Variants in DGKI observed in about 807,000 individuals in gnomAD.
The protein encoded by DGKI is diacylglycerol kinase iota.
DGKI carries 55 observed loss-of-function variants against 147.5 expected under a neutral mutation model. That is an observed-to-expected ratio of 0.37 (90% CI 0.30 to 0.47). DGKI has a LOEUF of 0.47. DGKI is among the 20% of genes least tolerant of loss of function. The pLI, the probability that DGKI is intolerant of heterozygous loss-of-function variation, is 1.00. For missense variants in DGKI, 1,007 were observed against 1,323.8 expected (o/e 0.76, Z 3.71); for synonymous variants, 469 against 477.1 (o/e 0.98, Z 0.22).
At chr7:137,644,013 T>C (rs566271844) in intron 6 of DGKI, among the ~76,000 whole-genome samples, 4 of 152,198 alleles carry the variant, frequency 2.6e-5, no homozygotes, top group East Asian at 3.9e-4. Context: ...CTCACATGCA[T>C]GCACACACAC....
At chr7:137,838,339 C>T (rs4732271) in intron 1 of DGKI, among the ~76,000 whole-genome samples, 5,780 of 152,236 alleles carry the variant, frequency 0.038, 151 homozygotes, top group Non-Finnish European at 0.054. Flanking sequence ...TTGTCTCAAA[C>T]TCTGACACAT....
intron 23 of DGKI, among the ~76,000 whole-genome samples, chr7:137,476,226 T>C (rs1815167205): frequency 6.6e-6 from 1 of 152,178 alleles, no homozygotes. Flanking sequence ...CTGCCCTGAC[T>C]CATCTCCACT....
intron 20 of DGKI, 26 bp from the exon 21 acceptor site, chr7:137,521,992 GA>G: frequency 6.4e-7 from 1 of 1,565,304 alleles, no homozygotes; most frequent in Non-Finnish European, 8.8e-7. Flanking sequence ...CGAGTGGTCA[GA>G]TACAAATGAG....
chr7:137,561,200 A>T (rs1261871964), intron 19 of DGKI, among the ~76,000 whole-genome samples: 6 of 152,212 alleles, frequency 3.9e-5, no homozygotes, highest in Non-Finnish European at 8.8e-5. Context: ...AAAAATAAAA[A>T]AAAAAATGTA....
Position 137,386,032 on chromosome 7 carries a change from T to C in DGKI, c.*5188A>G, listed in dbSNP as rs1811167423. 1 of 152,188 alleles carries C rather than the reference T, an allele frequency of 6.6e-6. No individual in the cohort carries two copies. Among genetic ancestry groups the C allele is most frequent in the Non-Finnish European group, 1.5e-5 (1 of 68,024 alleles). 9.4% of individuals were successfully genotyped at this position (152,188 alleles called of 1,614,324 possible). A position where few individuals can be genotyped will look rare whatever the true frequency, so the allele number is the denominator to read the frequency against. Reference sequence around the variant, plus strand: ...AATACATGCACTTATGATTGATTCATGGACATATGATTACATGCATAACTG... The same window carrying C: ...AATACATGCACTTATGATTGATTCACGGACATATGATTACATGCATAACTG... On this transcript the variant is annotated 3_prime_UTR_variant, in exon 33 of 33. Transcript: ENST00000614521.
chr7:137,713,809 T>C (rs1355013508), intron 1 of DGKI, among the ~76,000 whole-genome samples: 1 of 152,170 alleles, frequency 6.6e-6, no homozygotes, highest in Non-Finnish European at 1.5e-5. Flanking sequence ...CTCTGACTTA[T>C]CTATTTATTT....
intron 28 of DGKI, among the ~76,000 whole-genome samples, chr7:137,421,660 T>C (rs1812576033): frequency 6.6e-6 from 1 of 152,224 alleles, no homozygotes; most frequent in Non-Finnish European, 1.5e-5. Context: ...CATTTGCTTA[T>C]CTGTTGTTGT....
At chr7:137,658,340 C>T (rs371744907) in intron 3 of DGKI, among the ~76,000 whole-genome samples, 4 of 152,244 alleles carry the variant, frequency 2.6e-5, no homozygotes, top group Admixed American at 2.0e-4. Context: ...TATCCTGGTG[C>T]GAATCACTGC....
chr7:137,623,651 G>A (rs1820829862), intron 6 of DGKI, 97 bp from the exon 7 acceptor site: 2 of 1,014,294 alleles, frequency 2.0e-6, no homozygotes, highest in East Asian at 4.9e-5. Flanking sequence ...AAGGCCAGAA[G>A]GCCAGGACTG....
chr7:137,744,297 T>C (rs780468290), intron 1 of DGKI, among the ~76,000 whole-genome samples: 13 of 152,052 alleles, frequency 8.5e-5, no homozygotes, highest in Non-Finnish European at 1.8e-4. Context: ...AGAGAATGAA[T>C]AAATTCCTAA....
intron 1 of DGKI, among the ~76,000 whole-genome samples, chr7:137,729,663 C>A (rs1262902757): frequency 6.6e-6 from 1 of 152,052 alleles, no homozygotes; most frequent in Non-Finnish European, 1.5e-5. Flanking sequence ...CCCTCTCATG[C>A]CATAGAAACC....
At chr7:137,433,877 G>T (rs1369585267) in intron 28 of DGKI, among the ~76,000 whole-genome samples, 1 of 152,158 alleles carries the variant, frequency 6.6e-6, no homozygotes, top group Non-Finnish European at 1.5e-5. Flanking sequence ...CAGAACTTTG[G>T]GAGGCTGAGG....
intron 1 of DGKI, among the ~76,000 whole-genome samples, chr7:137,744,214 G>A (rs186729887): frequency 3.9e-5 from 6 of 151,964 alleles, no homozygotes; most frequent in Non-Finnish European, 7.4e-5. Context: ...TATCACAACC[G>A]ATCCCACAGA....
intron 27 of DGKI, among the ~76,000 whole-genome samples, chr7:137,455,049 G>A (rs970069180): frequency 9.9e-5 from 15 of 152,068 alleles, no homozygotes; most frequent in African/African-American, 3.4e-4. Context: ...ATTGAGTAAG[G>A]GCTCAGCCAC....
chr7:137,772,551 G>A (rs376344848), intron 1 of DGKI, among the ~76,000 whole-genome samples: 1 of 152,216 alleles, frequency 6.6e-6, no homozygotes, highest in East Asian at 1.9e-4. Context: ...AATGACCTAA[G>A]CCCCCAGATC....
intron 11 of DGKI, among the ~76,000 whole-genome samples, chr7:137,598,991 A>C (rs1204837353): frequency 6.6e-6 from 1 of 152,212 alleles, no homozygotes; most frequent in Non-Finnish European, 1.5e-5. Context: ...GCATGCTTAA[A>C]ATAAGTAATT....
chr7:137,572,178 C>G (rs1818816156), intron 18 of DGKI, among the ~76,000 whole-genome samples: 1 of 152,196 alleles, frequency 6.6e-6, no homozygotes, highest in Non-Finnish European at 1.5e-5. Context: ...CTTCCAAAAT[C>G]TTGGCTTCAG....
chr7:137,551,562 T>C (rs1023393855), intron 20 of DGKI, among the ~76,000 whole-genome samples: 2 of 152,132 alleles, frequency 1.3e-5, no homozygotes, highest in African/African-American at 4.8e-5. Context: ...CATAGCATGA[T>C]ATAGAGGAAA....
chr7:137,582,895 G>A (rs950479675), intron 14 of DGKI, among the ~76,000 whole-genome samples: 17 of 152,104 alleles, frequency 1.1e-4, no homozygotes, highest in African/African-American at 2.7e-4. Flanking sequence ...AAATAAAGAC[G>A]AGAAATGTTT....
Sources: gnomAD v4.1 joint callset for allele counts (sites outside exome capture counted in the v4.1 genomes callset) on GRCh38, gnomAD v4.1.1 for gene constraint, MANE v1.5 for transcripts, NCBI Gene and HGNC (gene_info 2026-07-23, HGNC 2026-07-21) for gene names.